Variants in ADAMTS16 observed in about 807,000 individuals in gnomAD.
The protein encoded by ADAMTS16 is ADAM metallopeptidase with thrombospondin type 1 motif 16.
ADAMTS16 carries 94 observed loss-of-function variants against 145.8 expected under a neutral mutation model. The ratio of observed to expected loss-of-function variants is 0.64; its 90% CI spans 0.55 to 0.77. ADAMTS16 has a LOEUF of 0.77. Among genes scored for constraint, ADAMTS16 ranks in the 30% least tolerant of loss-of-function variants. ADAMTS16 has a pLI of 0.00. For missense variants in ADAMTS16, 1,585 were observed against 1,591.5 expected (o/e 1.00, Z 0.07); for synonymous variants, 659 against 604.3 (o/e 1.09, Z -1.33).
At chr5:5,246,438 C>T (rs1306750095) in intron 17 of ADAMTS16, among the ~76,000 whole-genome samples, 1 of 152,154 alleles carries the variant, frequency 6.6e-6, no homozygotes, top group Admixed American at 6.5e-5. Flanking sequence ...AGGTTTAATT[C>T]ATTTAGGGAT....
chr5:5,305,183 AT>A, intron 20 of ADAMTS16, among the ~76,000 whole-genome samples: 1 of 83,492 alleles, frequency 1.2e-5, no homozygotes, highest in African/African-American at 4.8e-5. Context: ...CCACACACAC[AT>A]CCCACACCAA....
chr5:5,173,324 A>C (rs545127209), intron 3 of ADAMTS16, among the ~76,000 whole-genome samples: 15 of 134,996 alleles, frequency 1.1e-4, no homozygotes, highest in African/African-American at 4.1e-4. Context: ...GTGCCGTTTT[A>C]TTTCTTTCCT....
At chr5:5,176,771 G>A (rs1421625334) in intron 3 of ADAMTS16, among the ~76,000 whole-genome samples, 2 of 152,144 alleles carry the variant, frequency 1.3e-5, no homozygotes, top group African/African-American at 4.8e-5. Flanking sequence ...CCTTCTTCCT[G>A]CCATAGAATT....
In ADAMTS16 at chr5:5,194,454, G is replaced by A. The variant is rs563445016; in HGVS notation, c.1313+2664G>A. Among the ~76,000 whole-genome samples the A allele has an allele frequency of 2.3e-4, 35 of 152,210 alleles. No individual in the cohort carries two copies. The South Asian group carries it at 3.7e-3, about 16-fold the overall frequency. ...ACCACCCAGGACAGTTCCTTCTGTC[G>A]CCTTCACTGACTTAGGGGAGACTAT... On this transcript the variant is annotated intron_variant, in intron 8 of 22. Transcript: ENST00000274181.
chr5:5,171,514 C>T (rs1194672366), intron 3 of ADAMTS16, among the ~76,000 whole-genome samples: 1 of 152,180 alleles, frequency 6.6e-6, no homozygotes, highest in Non-Finnish European at 1.5e-5. Flanking sequence ...GCTTTTTCAA[C>T]ATCAGTTGAA....
chr5:5,239,121 G>T, intron 14 of ADAMTS16, 30 bp from the exon 15 acceptor site: 2 of 1,466,164 alleles, frequency 1.4e-6, no homozygotes, highest in South Asian at 1.5e-5. Context: ...TTTCTTTCAT[G>T]AATGACATGT....
chr5:5,294,576 C>T (rs528938022), intron 18 of ADAMTS16, among the ~76,000 whole-genome samples: 1 of 152,232 alleles, frequency 6.6e-6, no homozygotes, highest in Non-Finnish European at 1.5e-5. Flanking sequence ...GAATGTTTAT[C>T]TCACCTAAAT....
intron 10 of ADAMTS16, among the ~76,000 whole-genome samples, chr5:5,215,870 G>GTGTGTA (rs1260354840): frequency 3.1e-4 from 31 of 101,602 alleles, no homozygotes; most frequent in African/African-American, 1.3e-3. Flanking sequence ...GTGTGTATGT[G>GTGTGTA]TATATATATA....
At chr5:5,215,798 ATATATATGTGTGG>A (rs1736411752) in intron 10 of ADAMTS16, among the ~76,000 whole-genome samples, 1 of 125,618 alleles carries the variant, frequency 8.0e-6, no homozygotes, top group Admixed American at 9.1e-5. Context: ...TATGTGTGGT[ATATATATGTGTGG>A]TATATATATG....
intron 4 of ADAMTS16, among the ~76,000 whole-genome samples, chr5:5,182,547 G>A (rs769835648): frequency 3.9e-5 from 6 of 152,170 alleles, no homozygotes; most frequent in Admixed American, 2.0e-4. Flanking sequence ...TCTTTCCTGG[G>A]TAGATTAAAT....
At chr5:5,303,843 C>A in intron 20 of ADAMTS16, 77 bp downstream of exon 20, 1 of 1,478,424 alleles carries the variant, frequency 6.8e-7, no homozygotes. Context: ...TGGTTTTTCT[C>A]TTCTCACTTC....
chr5:5,237,768 G>A (rs1285596141), intron 14 of ADAMTS16, among the ~76,000 whole-genome samples: 1 of 152,130 alleles, frequency 6.6e-6, no homozygotes, highest in Non-Finnish European at 1.5e-5. Flanking sequence ...CTTTCACTGA[G>A]GAGGGCGGGC....
At chr5:5,253,985 A>C (rs1321957578) in intron 17 of ADAMTS16, among the ~76,000 whole-genome samples, 7 of 152,110 alleles carry the variant, frequency 4.6e-5, no homozygotes, top group Non-Finnish European at 8.8e-5. Context: ...TTTTCGCGTG[A>C]ATCTCTGCCT....
rs192137821 is a variant in ADAMTS16, at chr5:5,286,933, G to A, written c.2790-16335G>A. Among the ~76,000 whole-genome samples, 15 of 151,730 alleles carry A rather than the reference G, an allele frequency of 9.9e-5. No homozygotes were observed. The East Asian group carries it at 2.3e-3, about 23-fold the overall frequency. ...TGCTAACATATAGAACCTACTTGAT[G>A]GGAAAAAGATTCAACCAATGAGTAC... On this transcript the variant is annotated intron_variant, in intron 18 of 22. Coordinates refer to ENST00000274181, the MANE Select transcript of ADAMTS16 (RefSeq NM_139056.4).
At chr5:5,204,341 A>G (rs1414366977) in intron 9 of ADAMTS16, among the ~76,000 whole-genome samples, 1 of 152,198 alleles carries the variant, frequency 6.6e-6, no homozygotes, top group African/African-American at 2.4e-5. Context: ...GGTACGAAAT[A>G]TATACAGAAA....
At chr5:5,246,745 G>A (rs867338875) in intron 17 of ADAMTS16, among the ~76,000 whole-genome samples, 2 of 152,104 alleles carry the variant, frequency 1.3e-5, no homozygotes, top group African/African-American at 2.4e-5. Flanking sequence ...CATCTTAATC[G>A]GGGAATCGAG....
chr5:5,291,130 C>T (rs1270073699), intron 18 of ADAMTS16, among the ~76,000 whole-genome samples: 3 of 152,016 alleles, frequency 2.0e-5, no homozygotes, highest in Non-Finnish European at 4.4e-5. Flanking sequence ...ATCATGACAT[C>T]ATTTTTACCA....
chr5:5,159,634 A>G (rs1177254873), intron 3 of ADAMTS16, among the ~76,000 whole-genome samples: 1 of 152,222 alleles, frequency 6.6e-6, no homozygotes, highest in Non-Finnish European at 1.5e-5. Flanking sequence ...ACCTTCAGAG[A>G]AGTCCCACAG....
intron 17 of ADAMTS16, among the ~76,000 whole-genome samples, chr5:5,250,092 T>C (rs570681147): frequency 4.4e-4 from 67 of 152,286 alleles, no homozygotes; most frequent in African/African-American, 1.6e-3. Flanking sequence ...TTGGGGTTCT[T>C]ATGGGCACAG....
Sources: allele counts gnomAD v4.1 joint callset (sites outside exome capture counted in the v4.1 genomes callset), GRCh38; gene constraint gnomAD v4.1.1; transcripts MANE v1.5; gene names NCBI Gene and HGNC (gene_info 2026-07-23, HGNC 2026-07-21).